C5: variants seen among roughly 807,000 people sequenced by gnomAD.
C5 encodes C3 and PZP-like alpha-2-macroglobulin domain-containing protein 4.
A neutral mutation model predicts 218.8 loss-of-function variants in C5; 140 were observed. The observed-to-expected ratio is 0.64, with a 90% CI of 0.56 to 0.74. The LOEUF (loss-of-function observed/expected upper bound fraction) is 0.74. Ranked by LOEUF, C5 falls within the 30% of genes least tolerant of loss-of-function variation. The probability of loss-of-function intolerance (pLI) is 0.00; values close to 1 mark genes in which losing one functional copy is unlikely to be tolerated. For missense variants in C5, 1,700 were observed against 1,969.6 expected, an observed-to-expected ratio of 0.86 and a Z score of 2.59; for synonymous variants, 614 against 682.3, an observed-to-expected ratio of 0.90 and a Z score of 1.56.
chr9:121,021,190 AG>A (rs1294375551), intron 11 of C5, among the ~76,000 whole-genome samples: 2 of 152,154 alleles, frequency 1.3e-5, no homozygotes, highest in African/African-American at 4.8e-5. Flanking sequence ...ATTAAAAGTG[AG>A]GGGGGAAGAG....
intron 25 of C5, among the ~76,000 whole-genome samples, chr9:120,983,515 A>T (rs2047010852): frequency 6.6e-6 from 1 of 152,130 alleles, no homozygotes; most frequent in Non-Finnish European, 1.5e-5. Context: ...TCCCCCACTT[A>T]AAAAATTTGT....
Position 121,017,636 on chromosome 9 carries a change from G to A in C5, c.1716+7C>T. 6.2e-7 allele frequency: 1 copy of A among 1,611,914 alleles called. No homozygotes were observed. The highest frequency in any genetic ancestry group is 8.5e-7 in the Non-Finnish European group (1 of 1,178,384). On this transcript the variant is annotated splice_region_variant and intron_variant, in intron 13 of 40. Coordinates refer to ENST00000223642, the MANE Select transcript of C5 (RefSeq NM_001735.3). Reference sequence around the variant, plus strand: ...AATTCAATTGTGACTTATAATTTGTGGCTTACCTGGAGCTGGTTGCCACAT... The same window carrying A: ...AATTCAATTGTGACTTATAATTTGTAGCTTACCTGGAGCTGGTTGCCACAT...
chr9:120,974,563 G>A (rs1403625652), intron 30 of C5, among the ~76,000 whole-genome samples: 1 of 152,088 alleles, frequency 6.6e-6, no homozygotes, highest in African/African-American at 2.4e-5. Context: ...TTCACTATCT[G>A]CTTAAATGAC....
the C5 span, among the ~76,000 whole-genome samples, chr9:121,074,123 G>T: frequency 6.6e-6 from 1 of 152,100 alleles, no homozygotes; most frequent in South Asian, 2.1e-4. Context: ...ATTGCACTGG[G>T]GATTTCTGGA....
chr9:120,954,430 C>G (rs183288002), intron 39 of C5, among the ~76,000 whole-genome samples: 4 of 152,302 alleles, frequency 2.6e-5, no homozygotes. Flanking sequence ...AGCCAGTTCC[C>G]CTACCTGGAA....
chr9:121,006,944 T>C lies in C5; in HGVS notation c.2382A>G (p.Leu794=), dbSNP rs756590444. Residue 794 remains leucine, a synonymous_variant, in exon 19 of 41, where the codon CTA becomes CTG. Coordinates refer to ENST00000223642, the MANE Select transcript of C5 (RefSeq NM_001735.3). ...KQLQFALPDS[L]TTWEIQGVGI... Reference sequence around the variant, plus strand: ...CAACGCCTTGAATTTCCCAGGTGGTTAGAGAATCAGGTAGGGCAAACTGCA... The same window carrying C: ...CAACGCCTTGAATTTCCCAGGTGGTCAGAGAATCAGGTAGGGCAAACTGCA... The C allele has an allele frequency of 1.9e-6, 3 of 1,613,108 alleles. No individual in the cohort carries two copies. Among genetic ancestry groups the C allele is most frequent in the East Asian group, 4.5e-5 (2 of 44,838 alleles).
At chr9:121,064,369 C>T in the C5 span, among the ~76,000 whole-genome samples, 1 of 152,088 alleles carries the variant, frequency 6.6e-6, no homozygotes, top group African/African-American at 2.4e-5. Flanking sequence ...GCTTCTGTTG[C>T]TTCCTAGTTT....
rs370287463 is a variant in C5 at position 121,033,013 on chromosome 9, G to GGT, written c.585-820_585-819dup. Among the ~76,000 whole-genome samples, 881 of 143,152 alleles carry GGT rather than the reference G, an allele frequency of 6.2e-3. 2 individuals carry two copies. Among genetic ancestry groups the GGT allele is most frequent in the Non-Finnish European group, 9.0e-3 (603 of 67,162 alleles). The allele number at this position is 143,152 out of a possible 152,430, so 93.9% of individuals were successfully genotyped here. A position where few individuals can be genotyped will look rare whatever the true frequency, so the allele number is the denominator to read the frequency against. ...GAGACTCTGTTTCAAAAAAACTATGGGTGTGTGTGTGTGTGTGTGTGTGTG... is the reference window on the plus strand; with the variant it reads ...GAGACTCTGTTTCAAAAAAACTATGGGTGTGTGTGTGTGTGTGTGTGTGTGTG... On this transcript the variant is annotated intron_variant, in intron 5 of 40. Coordinates refer to ENST00000223642, the MANE Select transcript of C5 (RefSeq NM_001735.3).
In C5 at chr9:121,002,308, A is replaced by ATGTGTGTGTG. The variant is rs71370613; in HGVS notation, c.2562+3610_2562+3611insCACACACACA. 2.3e-3 allele frequency among the ~76,000 whole-genome samples: 155 copies of ATGTGTGTGTG among 66,868 alleles called. 8 individuals carry two copies. The highest frequency in any genetic ancestry group is 0.02 in the South Asian group (24 of 1,190). 43.9% of individuals were successfully genotyped at this position (66,868 alleles called of 152,430 possible). A position where few individuals can be genotyped will look rare whatever the true frequency, so the allele number is the denominator to read the frequency against. ...TATATATGTATATATGTATATATAT[A>ATGTGTGTGTG]TGTGTGTGTATATATATATATATAT... On this transcript the variant is annotated intron_variant, in intron 20 of 40. Transcript: ENST00000223642.
chr9:121,062,334 G>A, the C5 span, among the ~76,000 whole-genome samples: 11 of 152,168 alleles, frequency 7.2e-5, no homozygotes, highest in Non-Finnish European at 1.3e-4. Flanking sequence ...CGTGCTGTCA[G>A]ACTTCATTTA....
the C5 span, among the ~76,000 whole-genome samples, chr9:121,059,837 G>A: frequency 2.0e-5 from 3 of 152,152 alleles, 1 homozygote; most frequent in Non-Finnish European, 4.4e-5. The surrounding 1 kb of genome is among the most constrained non-coding windows in gnomAD (Gnocchi z 4.1). Flanking sequence ...ACGGCCTCCC[G>A]CCCAGAGCCA....
At chr9:120,977,839 T>C (rs2131692632) in intron 28 of C5, among the ~76,000 whole-genome samples, 1 of 152,354 alleles carries the variant, frequency 6.6e-6, no homozygotes, top group Admixed American at 6.5e-5. Flanking sequence ...TGTTGCTAAC[T>C]TACCATGTCA....
intron 17 of C5, among the ~76,000 whole-genome samples, chr9:121,008,787 G>T (rs915927946): frequency 6.6e-6 from 1 of 152,012 alleles, no homozygotes; most frequent in Non-Finnish European, 1.5e-5. Flanking sequence ...AAAATTAGCT[G>T]GGCATGGTGG....
At chr9:120,959,238 T>A (rs1389029245) in intron 38 of C5, among the ~76,000 whole-genome samples, 1 of 97,986 alleles carries the variant, frequency 1.0e-5, no homozygotes, top group Non-Finnish European at 1.8e-5. Flanking sequence ...TCAAATTTCT[T>A]TCTTTCTTTC....
the C5 span, among the ~76,000 whole-genome samples, chr9:121,058,735 G>A: frequency 2.0e-4 from 31 of 152,128 alleles, no homozygotes; most frequent in African/African-American, 7.5e-4. Context: ...CACCATGCCC[G>A]GCCTTTTTTG....
intron 20 of C5, among the ~76,000 whole-genome samples, chr9:121,000,800 A>C (rs966429831): frequency 6.6e-6 from 1 of 152,176 alleles, no homozygotes; most frequent in Non-Finnish European, 1.5e-5. Flanking sequence ...ATAGTACCTA[A>C]TAGGTCATTT....
intron 25 of C5, 70 bp from the exon 26 acceptor site, chr9:120,982,884 C>A (rs2047005620): frequency 1.2e-6 from 1 of 822,802 alleles, no homozygotes; most frequent in Non-Finnish European, 1.9e-6. Flanking sequence ...TTAATTTATA[C>A]AACTTTATTC....
At chr9:121,030,374 A>C (rs1209593130) in intron 7 of C5, 23 bp downstream of exon 7, 1 of 1,257,024 alleles carries the variant, frequency 8.0e-7, no homozygotes. Context: ...AAATAAAAAC[A>C]ACAAAAAAAC....
chr9:120,962,324 C>T (rs1460571593), intron 36 of C5, among the ~76,000 whole-genome samples: 4 of 152,170 alleles, frequency 2.6e-5, no homozygotes, highest in Non-Finnish European at 5.9e-5. Context: ...AGAAGTTGTT[C>T]TGGGGGGATT....
Sources: allele counts gnomAD v4.1 joint callset (sites outside exome capture counted in the v4.1 genomes callset), GRCh38; gene constraint gnomAD v4.1.1; non-coding constraint Gnocchi (gnomAD v3.1); transcripts MANE v1.5; gene names NCBI Gene and HGNC (gene_info 2026-07-23, HGNC 2026-07-21).